CD109: variants seen among roughly 807,000 people sequenced by gnomAD.
CD109 encodes the protein CD109 molecule, also known as CD109 antigen.
A neutral mutation model predicts 165.8 loss-of-function variants in CD109; 149 were observed. That is an observed-to-expected ratio of 0.90 (90% CI 0.79 to 1.03). The LOEUF (loss-of-function observed/expected upper bound fraction) is 1.03. CD109 is among the 50% of genes least tolerant of loss of function. CD109 has a pLI of 0.00. For synonymous variants in CD109, 585 were observed against 592.1 expected, an observed-to-expected ratio of 0.99 and a Z score of 0.18; for missense variants, 1,712 against 1,677.8, an observed-to-expected ratio of 1.02 and a Z score of -0.36.
chr6:73,782,521 C>T (rs1393478149), intron 17 of CD109, 93 bp from the exon 18 acceptor site: 2 of 1,243,590 alleles, frequency 1.6e-6, no homozygotes, highest in Non-Finnish European at 2.3e-6. Flanking sequence ...TCTCTGGACA[C>T]CTCAAGTGAT....
At chr6:73,781,442 C>A in intron 17 of CD109, 123 bp downstream of exon 17, 1 of 805,190 alleles carries the variant, frequency 1.2e-6, no homozygotes, top group Admixed American at 2.5e-5. Flanking sequence ...TTGTTCTCTT[C>A]TCCCAAAATG....
the CD109 span, among the ~76,000 whole-genome samples, chr6:73,684,221 CTTTT>C: frequency 1.5e-5 from 2 of 136,364 alleles, no homozygotes; most frequent in African/African-American, 2.7e-5. Context: ...GTCGTTCTTT[CTTTT>C]TTTTTTTTTT....
Position 73,758,956 on chromosome 6 carries a change from T to A in CD109, c.686T>A (p.Phe229Tyr). Residue 229 changes from phenylalanine to tyrosine, a missense_variant, in exon 7 of 33, where the codon TTT becomes TAT. Physicochemically the swap from Phe to Tyr is conservative, Grantham distance 22. Coordinates refer to ENST00000287097, the MANE Select transcript of CD109 (RefSeq NM_133493.5). ...TTTTCTTTTCCAGTATTACCAAAAT[T>A]TGAAGTGACTTTGCAGACACCATTA... Reference protein sequence around the residue: ...FQVSEYVLPKFEVTLQTPLYC... With the variant: ...FQVSEYVLPKYEVTLQTPLYC... The A allele has an allele frequency of 6.3e-7, 1 of 1,596,008 alleles. No individual in the cohort carries two copies. The highest frequency in any genetic ancestry group is 1.1e-5 in the South Asian group (1 of 89,908).
At chr6:73,775,290 A>C (rs1386122903) in intron 15 of CD109, among the ~76,000 whole-genome samples, 1 of 152,170 alleles carries the variant, frequency 6.6e-6, no homozygotes, top group Non-Finnish European at 1.5e-5. Flanking sequence ...GCAAATTTAC[A>C]TATTTATCAT....
In CD109 at chr6:73,762,544, G is replaced by T. The variant is rs1773676053; in HGVS notation, c.855+64G>T. 2.6e-6 allele frequency: 3 copies of T among 1,161,284 alleles called. No homozygotes were observed. In the East Asian group the frequency reaches 7.3e-5, roughly 28 times the overall value. 71.9% of individuals were successfully genotyped at this position (1,161,284 alleles called of 1,614,324 possible). On this transcript the variant is annotated intron_variant, in intron 8 of 32. Transcript: ENST00000287097. ...AATATGTGTATTTTTCTAGAAATAA[G>T]ATTTAGTACTGAATTAACAAAAAGT...
intron 5 of CD109, among the ~76,000 whole-genome samples, chr6:73,750,843 T>C (rs1773159839): frequency 6.6e-6 from 1 of 152,184 alleles, no homozygotes; most frequent in East Asian, 1.9e-4. Context: ...TTTTGTCCTG[T>C]TCTTTGGGAC....
chr6:73,783,761 G>C lies in CD109; in HGVS notation c.2160G>C (p.Trp720Cys). 6.2e-7 allele frequency: 1 copy of C among 1,613,284 alleles called. No homozygotes were observed. Among genetic ancestry groups the C allele is most frequent in the Non-Finnish European group, 8.5e-7 (1 of 1,179,516 alleles). The change falls in exon 19 of 33, where the codon TGG becomes TGC. Residue 720 changes from tryptophan to cysteine, a missense_variant. Physicochemically the swap from Trp to Cys is radical, Grantham distance 215. Coordinates refer to ENST00000287097, the MANE Select transcript of CD109 (RefSeq NM_133493.5). ...EVTVPDSITS[W>C]VATGFVISED... ...CTGTACCTGATTCTATCACTTCTTG[G>C]GTGGCTACTGGTTTTGTGATCTCTG...
intron 11 of CD109, 136 bp downstream of exon 11, chr6:73,766,290 A>T: frequency 1.4e-6 from 1 of 705,192 alleles, no homozygotes; most frequent in Non-Finnish European, 2.3e-6. Context: ...AATGGAGGAG[A>T]GTGGTAAAAG....
chr6:73,713,177 A>G (rs1261207754), intron 2 of CD109, among the ~76,000 whole-genome samples: 1 of 152,160 alleles, frequency 6.6e-6, no homozygotes, highest in Non-Finnish European at 1.5e-5. Flanking sequence ...CTAGGACTTC[A>G]TAAGTGCCTA....
chr6:73,823,131 G>A (rs911031955), intron 32 of CD109, among the ~76,000 whole-genome samples: 1 of 152,176 alleles, frequency 6.6e-6, no homozygotes, highest in Non-Finnish European at 1.5e-5. Flanking sequence ...AGGTTAAACA[G>A]TCCTTAACTG....
chr6:73,794,846 C>T (rs1306912767), intron 23 of CD109, among the ~76,000 whole-genome samples: 3 of 151,928 alleles, frequency 2.0e-5, no homozygotes, highest in Non-Finnish European at 4.4e-5. Context: ...TATAGAGTTG[C>T]CCATGTAAAA....
Position 73,765,986 on chromosome 6 carries a change from T to G in CD109, c.1164T>G (p.Asn388Lys), listed in dbSNP as rs1359940706. ...NQLTLEERRN[N>K]VVITVTQRNY... ...TGACTCTTGAAGAAAGAAGAAATAA[T>G]GTAGTCATAACAGTGACACAGAGAA... The change falls in exon 11 of 33, where the codon AAT (asparagine) becomes AAG (lysine). Residue 388 changes from asparagine to lysine, a missense_variant. Transcript: ENST00000287097. 2 of 1,614,066 alleles carry G rather than the reference T, an allele frequency of 1.2e-6. No homozygotes were observed. The highest frequency in any genetic ancestry group is 1.7e-6 in the Non-Finnish European group (2 of 1,179,980).
At chr6:73,744,900 A>T (rs988238028) in intron 5 of CD109, among the ~76,000 whole-genome samples, 1 of 152,126 alleles carries the variant, frequency 6.6e-6, no homozygotes, top group Admixed American at 6.5e-5. Flanking sequence ...AGTACATAGG[A>T]TAGGGACTCA....
intron 15 of CD109, among the ~76,000 whole-genome samples, chr6:73,777,073 C>T (rs1774278082): frequency 1.0e-5 from 1 of 95,950 alleles, no homozygotes; most frequent in Non-Finnish European, 2.1e-5. Flanking sequence ...ATTCTCCTGC[C>T]TCAGCCTCCC....
chr6:73,730,011 G>A (rs1269350747), intron 3 of CD109, among the ~76,000 whole-genome samples: 1 of 152,162 alleles, frequency 6.6e-6, no homozygotes, highest in East Asian at 1.9e-4. Flanking sequence ...GGAAAAGAAG[G>A]TTGAAGGATG....
At chr6:73,684,294 A>C in the CD109 span, among the ~76,000 whole-genome samples, 1 of 146,222 alleles carries the variant, frequency 6.8e-6, no homozygotes, top group Non-Finnish European at 1.5e-5. Context: ...GTCTTGGCTC[A>C]TTGCAAGCTT....
At chr6:73,770,491 T>C (rs1362145289) in intron 14 of CD109, among the ~76,000 whole-genome samples, 1 of 152,188 alleles carries the variant, frequency 6.6e-6, no homozygotes, top group Non-Finnish European at 1.5e-5. Flanking sequence ...ACGCCTGTAA[T>C]CCCAGCACTT....
intron 2 of CD109, among the ~76,000 whole-genome samples, chr6:73,718,137 C>G (rs934472456): frequency 6.6e-6 from 1 of 151,720 alleles, no homozygotes; most frequent in African/African-American, 2.4e-5. Flanking sequence ...ATAGGGAGAC[C>G]CTGTGTCTAT....
rs1379487530 is a variant in CD109 at position 73,758,959 on chromosome 6, A to G, written c.689A>G (p.Glu230Gly). 2 of 1,599,186 alleles carry G rather than the reference A, an allele frequency of 1.3e-6. No homozygotes were observed. The highest frequency in any genetic ancestry group is 2.7e-5 in the African/African-American group (2 of 74,618). Residue 230 changes from glutamate to glycine, a missense_variant, in exon 7 of 33, where the codon GAA (glutamate) becomes GGA (glycine). Glu to Gly is a moderately conservative substitution (Grantham distance 98, BLOSUM62 -2). Coordinates refer to ENST00000287097, the MANE Select transcript of CD109 (RefSeq NM_133493.5). ...TCTTTTCCAGTATTACCAAAATTTG[A>G]AGTGACTTTGCAGACACCATTATAT... ...QVSEYVLPKF[E>G]VTLQTPLYCS...
Sources: allele counts gnomAD v4.1 joint callset (sites outside exome capture counted in the v4.1 genomes callset), GRCh38; gene constraint gnomAD v4.1.1; transcripts MANE v1.5; gene names NCBI Gene and HGNC (gene_info 2026-07-23, HGNC 2026-07-21).